FREM1: variants seen among roughly 807,000 people sequenced by gnomAD.
FREM1 encodes the protein FRAS1 related extracellular matrix 1, also known as FRAS1-related extracellular matrix protein 1.
In FREM1, 220 loss-of-function variants were observed where a neutral mutation model predicts 210.1. The ratio of observed to expected loss-of-function variants is 1.05; its 90% CI spans 0.94 to 1.17. The LOEUF (loss-of-function observed/expected upper bound fraction) is 1.17, where lower values mean the gene tolerates loss of function less well. Among genes scored for constraint, FREM1 ranks in the 50% most tolerant of loss-of-function variants. The pLI is 0.00. For missense variants in FREM1, 3,454 were observed against 2,675.5 expected (o/e 1.29, Z -6.42); for synonymous variants, 1,189 against 980.2 (o/e 1.21, Z -3.98).
At chr9:14,834,207 C>T (rs1469264960) in intron 10 of FREM1, among the ~76,000 whole-genome samples, 1 of 152,118 alleles carries the variant, frequency 6.6e-6, no homozygotes, top group Non-Finnish European at 1.5e-5. Flanking sequence ...CATCTCCACC[C>T]CACACTGAGG....
At chr9:14,884,418 A>G (rs893250620) in intron 1 of FREM1, among the ~76,000 whole-genome samples, 2 of 152,180 alleles carry the variant, frequency 1.3e-5, no homozygotes, top group Non-Finnish European at 2.9e-5. Context: ...TAAGTACAGT[A>G]TATCTGTATA....
At chr9:14,830,565 C>G (rs994361404) in intron 10 of FREM1, among the ~76,000 whole-genome samples, 2 of 152,178 alleles carry the variant, frequency 1.3e-5, no homozygotes, top group Admixed American at 6.5e-5. Flanking sequence ...AAAGACATAT[C>G]AACTTAGGCC....
In FREM1 at chr9:14,792,266, A is replaced by ACACG. The variant is rs1363565477; in HGVS notation, c.3981+476_3981+477insCGTG. Among the ~76,000 whole-genome samples, 334 of 100,964 alleles carry ACACG rather than the reference A, an allele frequency of 3.3e-3. 1 individual carries two copies. The highest frequency in any genetic ancestry group is 0.011 in the African/African-American group (315 of 28,132). The allele number at this position is 100,964 out of a possible 152,430, so 66.2% of individuals were successfully genotyped here. On this transcript the variant is annotated intron_variant, in intron 22 of 36. Transcript: ENST00000380880. Reference sequence around the variant, plus strand: ...TTAGCTGAAATACACACACCCACACACACACGCACACACACACACACACAC... The same window carrying ACACG: ...TTAGCTGAAATACACACACCCACACACACGCACACGCACACACACACACACACAC...
At chr9:14,784,223 C>T in intron 24 of FREM1, 147 bp downstream of exon 24, 1 of 654,428 alleles carries the variant, frequency 1.5e-6, no homozygotes, top group Non-Finnish European at 2.3e-6. Context: ...AAACAAATTT[C>T]ATTCTATAAA....
In FREM1 at chr9:14,842,339, T is replaced by C. The variant is rs371583100; in HGVS notation, c.1715A>G (p.Lys572Arg). ...TKPPQAGEIM[K>R]KPGPGLIGYP... ...ACCTATCAGTCCTGGCCCTGGCTTCTTCATGATCTCCCCAGCCTGTGGAGG... is the reference window on the plus strand; with the variant it reads ...ACCTATCAGTCCTGGCCCTGGCTTCCTCATGATCTCCCCAGCCTGTGGAGG... Residue 572 changes from lysine (K) to arginine (R), a missense_variant, in exon 9 of 37, where the codon AAG becomes AGG. Transcript: ENST00000380880. 2.3e-5 allele frequency: 36 copies of C among 1,593,478 alleles called. No homozygotes were observed. In the African/African-American group the frequency reaches 4.4e-4, roughly 20 times the overall value.
chr9:14,859,450 T>C lies in FREM1; in HGVS notation c.364A>G (p.Ile122Val). 6.2e-7 allele frequency: 1 copy of C among 1,613,552 alleles called. No individual in the cohort carries two copies. Residue 122 changes from isoleucine to valine, a missense_variant, in exon 4 of 37, where the codon ATC becomes GTC. Physicochemically the swap from Ile to Val is conservative, Grantham distance 29. Coordinates refer to ENST00000380880, the MANE Select transcript of FREM1 (RefSeq NM_001379081.2). The stretch of plus-strand genomic sequence containing the variant: ...GGTTCCAGGAGATAGACCCACAGGA[T>C]AAAAGTTTCTATGAAGGTATCTCTT... ...TERDTFIETFILWVYLLEPDC... is the reference protein window; with the variant it reads ...TERDTFIETFVLWVYLLEPDC...
intron 1 of FREM1, among the ~76,000 whole-genome samples, chr9:14,896,311 C>G (rs567631867): frequency 1.3e-5 from 2 of 152,004 alleles, no homozygotes; most frequent in East Asian, 3.9e-4. Flanking sequence ...TTTGGGAGGC[C>G]GAGGTGGGCA....
intron 29 of FREM1, among the ~76,000 whole-genome samples, chr9:14,755,559 G>C (rs368523440): frequency 4.7e-4 from 72 of 152,298 alleles, no homozygotes; most frequent in African/African-American, 1.7e-3. Context: ...CAGTGAGTGA[G>C]GCAGAGCTAC....
chr9:14,776,159 T>C lies in FREM1; in HGVS notation c.4487A>G (p.Glu1496Gly). 6.4e-7 allele frequency: 1 copy of C among 1,551,084 alleles called. No homozygotes were observed. Among genetic ancestry groups the C allele is most frequent in the South Asian group, 1.2e-5 (1 of 80,124 alleles). ...NGLRTEHGVF[E>G]ITLETVDRAL... ...TCTGTCCACAGTCTCCAGTGTGATC[T>C]CAAACACCCCGTGCTCGGTCCGCAG... Residue 1496 changes from glutamate to glycine, a missense_variant, in exon 25 of 37, where the codon GAG becomes GGG. Glu to Gly is a moderately conservative substitution (Grantham distance 98). Coordinates refer to ENST00000380880, the MANE Select transcript of FREM1 (RefSeq NM_001379081.2).
At position 14,824,889 on chromosome 9, in the gene FREM1, G is replaced by T; in HGVS notation, c.1985C>A (p.Thr662Asn). The change falls in exon 11 of 37, where the codon ACT (threonine) becomes AAT (asparagine). Residue 662 changes from threonine (T) to asparagine (N), a missense_variant. Transcript: ENST00000380880. The stretch of plus-strand genomic sequence containing the variant: ...ATCTATAAAATGTAGCTGTTTCTTA[G>T]TTATATAGGCCACCTCAGTTTCCTT... ...VVKETEVAYI[T>N]KKQLHFIDSE... 1 of 1,613,296 alleles carries T rather than the reference G, an allele frequency of 6.2e-7. No homozygotes were observed. The highest frequency in any genetic ancestry group is 8.5e-7 in the Non-Finnish European group (1 of 1,179,560).
In FREM1 at chr9:14,737,505, C is replaced by T. The variant is rs375253247; in HGVS notation, c.6431G>A (p.Arg2144His). The T allele has an allele frequency of 9.9e-6, 16 of 1,613,272 alleles. No individual in the cohort carries two copies. Among genetic ancestry groups the T allele is most frequent in the East Asian group, 2.2e-5 (1 of 44,854 alleles). ...AACACAGCTCTTTCCAAGCTTGGAG[C>T]GTTGAGAGGGCCCTCTTCTCCCATT... The part of the protein sequence containing the change: ...FTNGRRGPSQ[R>H]SKLGKSCVLV... Residue 2144 changes from arginine (R) to histidine (H), a missense_variant, in exon 37 of 37, where the codon CGC becomes CAC. Physicochemically the swap from Arg to His is conservative, Grantham distance 29 (BLOSUM62 0). Coordinates refer to ENST00000380880, the MANE Select transcript of FREM1 (RefSeq NM_001379081.2).
chr9:14,905,124 T>A (rs941823068), intron 1 of FREM1, among the ~76,000 whole-genome samples: 2 of 152,240 alleles, frequency 1.3e-5, no homozygotes, highest in Admixed American at 1.3e-4. Flanking sequence ...TCTCCTGGTC[T>A]ATAAACACCT....
intron 1 of FREM1, among the ~76,000 whole-genome samples, chr9:14,869,650 G>C (rs1409189148): frequency 1.3e-5 from 2 of 152,130 alleles, no homozygotes; most frequent in African/African-American, 2.4e-5. Context: ...GAGCTGATAG[G>C]ATTATTAACA....
intron 34 of FREM1, 24 bp downstream of exon 34, chr9:14,746,899 T>A (rs1842548773): frequency 6.2e-7 from 1 of 1,609,368 alleles, no homozygotes; most frequent in African/African-American, 1.3e-5. Context: ...ATAAAGGTGC[T>A]TGGCTGCTCA....
rs60938956 is a variant in FREM1, at chr9:14,773,605, ATTT to A, written c.4857+2181_4857+2183del. On this transcript the variant is annotated intron_variant, in intron 25 of 36. Coordinates refer to ENST00000380880, the MANE Select transcript of FREM1 (RefSeq NM_001379081.2). ...CCTTGTGGGGTTTTTACACGTAATG[ATTT>A]TTTTTTTTTTTTGCAAGGAAAGCCT... Among the ~76,000 whole-genome samples the A allele has an allele frequency of 8.9e-3, 1,275 of 143,556 alleles. 15 individuals are homozygous for A. Among genetic ancestry groups the A allele is most frequent in the African/African-American group, 0.031 (1,220 of 39,022 alleles). 94.2% of individuals were successfully genotyped at this position (143,556 alleles called of 152,430 possible).
At position 14,868,988 on chromosome 9, in the gene FREM1, C is replaced by T. The variant is rs547779159; in HGVS notation, c.-11G>A. ...ACTCAGAGAGTTCATGCTGACAGGG[C>T]CCAACTCTTCTCTGTCCACCGGCGA... is the stretch of plus-strand genomic sequence containing the variant. On this transcript the variant is annotated 5_prime_UTR_variant, in exon 2 of 37. Coordinates refer to ENST00000380880, the MANE Select transcript of FREM1 (RefSeq NM_001379081.2). 15 of 1,531,844 alleles carry T rather than the reference C, an allele frequency of 9.8e-6. No individual in the cohort carries two copies. The highest frequency in any genetic ancestry group is 1.3e-5 in the Non-Finnish European group (15 of 1,135,496). The allele number at this position is 1,531,844 out of a possible 1,614,324, so 94.9% of individuals were successfully genotyped here.
rs889536442 is a variant in FREM1 at position 14,776,189 on chromosome 9, T to C, written c.4457A>G (p.Asn1486Ser). 1 of 1,522,810 alleles carries C rather than the reference T, an allele frequency of 6.6e-7. No homozygotes were observed. 94.3% of individuals were successfully genotyped at this position (1,522,810 alleles called of 1,614,324 possible). The change falls in exon 25 of 37, where the codon AAT (asparagine) becomes AGT (serine). Residue 1486 changes from asparagine to serine, a missense_variant. Asn to Ser is a conservative substitution (Grantham distance 46). Coordinates refer to ENST00000380880, the MANE Select transcript of FREM1 (RefSeq NM_001379081.2). ...CACCCCGTGCTCGGTCCGCAGTCCA[T>C]TGCTGATGATGAATCTGGTAAAGAG... ...SSDRFRFIIS[N>S]GLRTEHGVFE... is the part of the protein sequence containing the mutation.
chr9:14,777,363 G>A (rs955464746), intron 24 of FREM1, among the ~76,000 whole-genome samples: 2 of 151,230 alleles, frequency 1.3e-5, no homozygotes, highest in Non-Finnish European at 3.0e-5. Flanking sequence ...TGCAAACAAG[G>A]CACAATATTA....
Position 14,881,881 on chromosome 9 carries a change from C to G in FREM1, c.-267-12637G>C, listed in dbSNP as rs114883289. Reference sequence around the variant, plus strand: ...CCTTTAAGAGGTAGTTACGGTGTGCCTCTTCTCCCTTTTTCTTTATGCTTC... The same window carrying G: ...CCTTTAAGAGGTAGTTACGGTGTGCGTCTTCTCCCTTTTTCTTTATGCTTC... On this transcript the variant is annotated intron_variant, in intron 1 of 36. Transcript: ENST00000380880. 6.1e-3 allele frequency among the ~76,000 whole-genome samples: 932 copies of G among 152,270 alleles called. 9 individuals carry two copies. Among genetic ancestry groups the G allele is most frequent in the African/African-American group, 0.021 (888 of 41,536 alleles).
Sources: gnomAD v4.1 joint callset for allele counts (sites outside exome capture counted in the v4.1 genomes callset) on GRCh38, gnomAD v4.1.1 for gene constraint, MANE v1.5 for transcripts, NCBI Gene and HGNC (gene_info 2026-07-23, HGNC 2026-07-21) for gene names.